The following ST8SIA5 variants were observed in gnomAD, a reference collection of about 807,000 sequenced individuals.
ST8SIA5 encodes ST8 alpha-N-acetyl-neuraminide alpha-2,8-sialyltransferase 5, also known as alpha-2,8-sialyltransferase 8E.
A neutral mutation model predicts 40.2 loss-of-function variants in ST8SIA5; 24 were observed. The observed-to-expected ratio is 0.60, with a 90% CI of 0.43 to 0.84. ST8SIA5 has a LOEUF of 0.84. ST8SIA5 is among the 40% of genes least tolerant of loss of function. The probability of loss-of-function intolerance (pLI) is 0.00; values close to 1 mark genes in which losing one functional copy is unlikely to be tolerated. For missense variants in ST8SIA5, 465 were observed against 498.5 expected (o/e 0.93, Z 0.64); for synonymous variants, 198 against 201.8 (o/e 0.98, Z 0.16).
intron 5 of ST8SIA5, 144 bp downstream of exon 5, chr18:46,686,030 A>G (rs1568250391): frequency 1.4e-6 from 1 of 729,518 alleles, no homozygotes; most frequent in East Asian, 2.7e-5. Flanking sequence ...GCTGGAGAGA[A>G]GAAGGGATAT....
intron 4 of ST8SIA5, among the ~76,000 whole-genome samples, chr18:46,687,513 G>A (rs1436980090): frequency 6.6e-6 from 1 of 152,188 alleles, no homozygotes; most frequent in Admixed American, 6.5e-5. Context: ...TTACCTGCGT[G>A]AGATGCAAAT....
intron 2 of ST8SIA5, among the ~76,000 whole-genome samples, chr18:46,692,939 C>T (rs2039521954): frequency 6.8e-6 from 1 of 147,056 alleles, no homozygotes; most frequent in Admixed American, 7.0e-5. Flanking sequence ...CAGAGCCTGC[C>T]AGAATTATTC....
chr18:46,691,289 A>G (rs930758506), intron 3 of ST8SIA5, among the ~76,000 whole-genome samples: 3 of 152,204 alleles, frequency 2.0e-5, no homozygotes, highest in African/African-American at 7.2e-5. Context: ...TCTTAAAACT[A>G]CTACTCTACC....
In ST8SIA5 at chr18:46,675,432, G is replaced by T. The variant is rs1220300639; in HGVS notation, c.*4610C>A. On this transcript the variant is annotated 3_prime_UTR_variant, in exon 7 of 7. Coordinates refer to ENST00000315087, the MANE Select transcript of ST8SIA5 (RefSeq NM_013305.6). ...TAGGAGGAGACTCTGAGTTCAGATT[G>T]TTCTTTTAACTATACCAGTTGAGGA... 1 of 152,206 alleles carries T rather than the reference G, an allele frequency of 6.6e-6. No homozygotes were observed. Among genetic ancestry groups the T allele is most frequent in the Non-Finnish European group, 1.5e-5 (1 of 68,054 alleles). 9.4% of individuals were successfully genotyped at this position (152,206 alleles called of 1,614,324 possible).
In ST8SIA5 at chr18:46,711,967, G is replaced by T. The variant is rs148452839; in HGVS notation, c.132-7303C>A. Among the ~76,000 whole-genome samples the T allele has an allele frequency of 5.3e-5, 8 of 152,258 alleles. No homozygotes were observed. In the East Asian group the frequency reaches 1.5e-3, roughly 29 times the overall value. On this transcript the variant is annotated intron_variant, in intron 1 of 6. Coordinates refer to ENST00000315087, the MANE Select transcript of ST8SIA5 (RefSeq NM_013305.6). Reference sequence around the variant, plus strand: ...CTCAGTGCAACCCTAAATAGTCCTGGGATTAATCTGCCCCAGGTGTGCACC... The same window carrying T: ...CTCAGTGCAACCCTAAATAGTCCTGTGATTAATCTGCCCCAGGTGTGCACC...
chr18:46,702,865 A>G (rs925873231), intron 2 of ST8SIA5, among the ~76,000 whole-genome samples: 4 of 152,228 alleles, frequency 2.6e-5, no homozygotes, highest in Admixed American at 2.6e-4. Flanking sequence ...TGGTGTCTGT[A>G]TCCCACCTTC....
intron 2 of ST8SIA5, among the ~76,000 whole-genome samples, chr18:46,701,744 AT>A (rs2039618925): frequency 6.6e-6 from 1 of 152,198 alleles, no homozygotes; most frequent in Non-Finnish European, 1.5e-5. Flanking sequence ...AAATACATGC[AT>A]AGAGGGATGG....
chr18:46,681,652 G>A (rs377344883), intron 6 of ST8SIA5, among the ~76,000 whole-genome samples: 24 of 152,286 alleles, frequency 1.6e-4, no homozygotes, highest in South Asian at 2.1e-4. Context: ...GACCAGCACC[G>A]TCCAAAAGAA....
chr18:46,713,796 T>C (rs2039757535), intron 1 of ST8SIA5, among the ~76,000 whole-genome samples: 2 of 152,094 alleles, frequency 1.3e-5, no homozygotes, highest in Non-Finnish European at 2.9e-5. Flanking sequence ...TCAATGACCT[T>C]GACAAGAGCA....
intron 3 of ST8SIA5, 74 bp from the exon 4 acceptor site, chr18:46,688,993 G>T: frequency 1.3e-6 from 2 of 1,519,372 alleles, no homozygotes; most frequent in East Asian, 2.3e-5. Context: ...ACAACCTCAC[G>T]GAGAACAGAG....
At position 46,677,916 on chromosome 18, in the gene ST8SIA5, CT is replaced by C. The variant is rs2039350887; in HGVS notation, c.*2125del. ...CAGGCATGACTTGACCCAGTCACAT[CT>C]TTGCTCTGGGCCTGTTTCCTAAAGT... is the stretch of plus-strand genomic sequence containing the variant. On this transcript the variant is annotated 3_prime_UTR_variant, in exon 7 of 7. Coordinates refer to ENST00000315087, the MANE Select transcript of ST8SIA5 (RefSeq NM_013305.6). The C allele has an allele frequency of 6.6e-6, 1 of 152,262 alleles. No individual in the cohort carries two copies. Among genetic ancestry groups the C allele is most frequent in the Non-Finnish European group, 1.5e-5 (1 of 68,056 alleles). 9.4% of individuals were successfully genotyped at this position (152,262 alleles called of 1,614,324 possible). A position where few individuals can be genotyped will look rare whatever the true frequency, so the allele number is the denominator to read the frequency against.
At chr18:46,716,086 G>GGATAGATAGATAGATAGATAGATA (rs61514320) in intron 1 of ST8SIA5, among the ~76,000 whole-genome samples, 50 of 139,774 alleles carry the variant, frequency 3.6e-4, no homozygotes, top group Non-Finnish European at 4.8e-4. Context: ...GAGTCACACA[G>GGATAGATAGATAGATAGATAGATA]GATAGATAGA....
intron 1 of ST8SIA5, among the ~76,000 whole-genome samples, chr18:46,727,172 G>A (rs1467573483): frequency 6.6e-6 from 1 of 152,228 alleles, no homozygotes; most frequent in Admixed American, 6.5e-5. Context: ...AAAAGTGTGT[G>A]GTGCCACCTC....
rs1328392463 is a variant in ST8SIA5 at position 46,726,000 on chromosome 18, T to A, written c.132-21336A>T. Among the ~76,000 whole-genome samples, 16 of 70,784 alleles carry A rather than the reference T, an allele frequency of 2.3e-4. 1 individual carries two copies. Among genetic ancestry groups the A allele is most frequent in the South Asian group, 1.9e-3 (3 of 1,600 alleles). The allele number at this position is 70,784 out of a possible 152,430, so 46.4% of individuals were successfully genotyped here. ...ATATATATATATATATATATATATA[T>A]ATATATATATCCTGGATATATATAT... On this transcript the variant is annotated intron_variant, in intron 1 of 6. Transcript: ENST00000315087.
At chr18:46,753,727 C>T (rs547836538) in intron 1 of ST8SIA5, among the ~76,000 whole-genome samples, 1 of 152,210 alleles carries the variant, frequency 6.6e-6, no homozygotes, top group Non-Finnish European at 1.5e-5. Context: ...TAGGTCTTTA[C>T]AACCTCTTTG....
chr18:46,697,636 T>A (rs1206294295), intron 2 of ST8SIA5, among the ~76,000 whole-genome samples: 1 of 151,990 alleles, frequency 6.6e-6, no homozygotes, highest in Admixed American at 6.6e-5. Flanking sequence ...AGGCCAGGAG[T>A]TCAAGGCTGC....
rs933463771 is a variant in ST8SIA5, at chr18:46,680,280, C to T, written c.893G>A (p.Arg298His). Residue 298 changes from arginine to histidine, a missense_variant, in exon 7 of 7, where the codon CGC becomes CAC. Transcript: ENST00000315087. ...YWLSLGVRAKRISTGLILVTA... is the reference protein window; with the variant it reads ...YWLSLGVRAKHISTGLILVTA... ...GACCAGAATGAGGCCGGTGCTGATG[C>T]GCTTGGCGCGCACCCCCAGGCTGAG... The T allele has an allele frequency of 5.0e-6, 8 of 1,614,214 alleles. No homozygotes were observed. Among genetic ancestry groups the T allele is most frequent in the Non-Finnish European group, 6.8e-6 (8 of 1,180,042 alleles).
intron 1 of ST8SIA5, chr18:46,730,075 G>T: frequency 1.4e-6 from 1 of 691,386 alleles, no homozygotes; most frequent in Non-Finnish European, 1.8e-6. Flanking sequence ...TTCTGGATAA[G>T]AAGGTGTTAT....
intron 2 of ST8SIA5, among the ~76,000 whole-genome samples, chr18:46,704,213 G>A (rs2039646585): frequency 6.6e-6 from 1 of 152,040 alleles, no homozygotes; most frequent in African/African-American, 2.4e-5. Flanking sequence ...TTAACCCTGC[G>A]GTGCAACATA....
Sources: gnomAD v4.1 joint callset for allele counts (sites outside exome capture counted in the v4.1 genomes callset) on GRCh38, gnomAD v4.1.1 for gene constraint, MANE v1.5 for transcripts, NCBI Gene and HGNC (gene_info 2026-07-23, HGNC 2026-07-21) for gene names.